The following ZNF438 variants were observed in gnomAD, a reference collection of about 807,000 sequenced individuals.
The protein encoded by ZNF438 is zinc finger protein 438.
A neutral mutation model predicts 38.0 loss-of-function variants in ZNF438; 25 were observed. The ratio of observed to expected loss-of-function variants is 0.66; its 90% CI spans 0.48 to 0.92. ZNF438 has a LOEUF of 0.92. ZNF438 is among the 40% of genes least tolerant of loss of function. The pLI is 0.00. For synonymous variants in ZNF438, 372 were observed against 364.1 expected (o/e 1.02, Z -0.25); for missense variants, 1,007 against 999.6 (o/e 1.01, Z -0.10).
chr10:30,928,816 G>A (rs1400126787), intron 2 of ZNF438, among the ~76,000 whole-genome samples: 3 of 152,136 alleles, frequency 2.0e-5, no homozygotes, highest in East Asian at 1.9e-4. Context: ...CTGTCCAGCT[G>A]GAGTGAGGTG....
intron 2 of ZNF438, among the ~76,000 whole-genome samples, chr10:30,928,272 T>C (rs1412976272): frequency 6.6e-6 from 1 of 152,218 alleles, no homozygotes; most frequent in Non-Finnish European, 1.5e-5. Context: ...ACATAGTCAA[T>C]AATAGTCATT....
At chr10:30,997,020 A>G (rs2054118862) in intron 1 of ZNF438, among the ~76,000 whole-genome samples, 1 of 152,148 alleles carries the variant, frequency 6.6e-6, no homozygotes, top group Non-Finnish European at 1.5e-5. Flanking sequence ...ACATACCAAA[A>G]TTTATTGGAT....
At chr10:30,854,202 C>T (rs1360380902) in intron 4 of ZNF438, among the ~76,000 whole-genome samples, 1 of 152,036 alleles carries the variant, frequency 6.6e-6, no homozygotes, top group Non-Finnish European at 1.5e-5. Flanking sequence ...CGCCTGTAGT[C>T]CCAGCTACTC....
At chr10:30,895,835 A>C (rs1179229213) in intron 3 of ZNF438, among the ~76,000 whole-genome samples, 3 of 152,250 alleles carry the variant, frequency 2.0e-5, no homozygotes, top group African/African-American at 7.2e-5. Flanking sequence ...TATTTAAAAA[A>C]CAAAACTGAG....
At chr10:30,900,063 G>A (rs1284760366) in intron 3 of ZNF438, among the ~76,000 whole-genome samples, 1 of 152,056 alleles carries the variant, frequency 6.6e-6, no homozygotes, top group Non-Finnish European at 1.5e-5. Context: ...TCAGTTTTGT[G>A]GACCCTACCA....
At chr10:30,947,349 A>G (rs2047535971) in intron 1 of ZNF438, among the ~76,000 whole-genome samples, 1 of 152,264 alleles carries the variant, frequency 6.6e-6, no homozygotes, top group Non-Finnish European at 1.5e-5. Context: ...TTTCTTACAC[A>G]GAATTAGAGA....
chr10:30,870,484 G>A (rs116534407), intron 4 of ZNF438, among the ~76,000 whole-genome samples: 207 of 151,036 alleles, frequency 1.4e-3, no homozygotes, highest in African/African-American at 4.8e-3. Flanking sequence ...GTTTACTTAC[G>A]GTCTCCAGCA....
At chr10:30,945,319 C>A (rs963755775) in intron 1 of ZNF438, among the ~76,000 whole-genome samples, 9 of 150,234 alleles carry the variant, frequency 6.0e-5, no homozygotes, top group Non-Finnish European at 1.2e-4. Flanking sequence ...ATTTTATTGG[C>A]TAGTAATATA....
chr10:30,976,325 A>G (rs974216828), intron 1 of ZNF438, among the ~76,000 whole-genome samples: 3 of 152,252 alleles, frequency 2.0e-5, no homozygotes, highest in Non-Finnish European at 4.4e-5. Flanking sequence ...TTCTACTTTT[A>G]GGAAACATAT....
intron 1 of ZNF438, among the ~76,000 whole-genome samples, chr10:30,947,373 C>A (rs747998912): frequency 2.0e-5 from 3 of 152,228 alleles, no homozygotes; most frequent in Non-Finnish European, 2.9e-5. Flanking sequence ...ATAACAGAAT[C>A]TAGTAAAGGG....
At chr10:30,846,799 G>T (rs1191229718) in intron 5 of ZNF438, among the ~76,000 whole-genome samples, 1 of 152,142 alleles carries the variant, frequency 6.6e-6, no homozygotes, top group Non-Finnish European at 1.5e-5. Context: ...GTCCAGGAAG[G>T]CCCCTTTCCC....
At chr10:30,948,884 C>A (rs962855024) in intron 1 of ZNF438, among the ~76,000 whole-genome samples, 1 of 151,634 alleles carries the variant, frequency 6.6e-6, no homozygotes, top group African/African-American at 2.4e-5. Context: ...CGTTCAGATT[C>A]AGGAAATACA....
chr10:30,903,034 C>T (rs567393474), intron 3 of ZNF438, among the ~76,000 whole-genome samples: 228 of 152,290 alleles, frequency 1.5e-3, no homozygotes, highest in African/African-American at 5.0e-3. Context: ...CAGCTGCTGG[C>T]CCAGGTCCTA....
chr10:30,887,930 G>C (rs1257250491), intron 3 of ZNF438, among the ~76,000 whole-genome samples: 1 of 152,140 alleles, frequency 6.6e-6, no homozygotes, highest in Admixed American at 6.5e-5. Flanking sequence ...ATATACATCA[G>C]ACAGTAACTA....
intron 4 of ZNF438, chr10:30,875,478 A>G: frequency 1.0e-6 from 1 of 985,126 alleles, no homozygotes; most frequent in Non-Finnish European, 1.2e-6. Flanking sequence ...TACTTGTTCC[A>G]TTATTTTTTC....
chr10:30,847,826 C>T (rs150887156), intron 5 of ZNF438, among the ~76,000 whole-genome samples: 200 of 152,360 alleles, frequency 1.3e-3, no homozygotes, highest in African/African-American at 4.5e-3. Context: ...CCTGCCTATG[C>T]GCAGTGGCCA....
intron 1 of ZNF438, among the ~76,000 whole-genome samples, chr10:30,997,772 GAC>G (rs1306059809): frequency 3.3e-5 from 5 of 152,066 alleles, no homozygotes; most frequent in African/African-American, 9.7e-5. Context: ...ACATAAGAGA[GAC>G]ACCTTCTTTT....
At chr10:31,021,814 A>G (rs894105503) in intron 1 of ZNF438, among the ~76,000 whole-genome samples, 1 of 152,216 alleles carries the variant, frequency 6.6e-6, no homozygotes, top group Non-Finnish European at 1.5e-5. Flanking sequence ...TTTGCAAAGG[A>G]GACTCAAAAA....
rs545603738 is a variant in ZNF438, at chr10:30,865,861, T to C, written c.37+11137A>G. ...CTTCCTGGCCGTAGTTTCCTCTCTT[T>C]AGCAAGAGGGGATTAGATTAGATTA... On this transcript the variant is annotated intron_variant, in intron 4 of 5. Coordinates refer to ENST00000413025, the Ensembl canonical transcript of ZNF438. Among the ~76,000 whole-genome samples the C allele has an allele frequency of 3.9e-5, 6 of 152,322 alleles. 1 individual carries two copies. The highest frequency in any genetic ancestry group is 1.2e-4 in the African/African-American group (5 of 41,566).
Sources: allele counts gnomAD v4.1 joint callset (sites outside exome capture counted in the v4.1 genomes callset), GRCh38; gene constraint gnomAD v4.1.1; transcripts MANE v1.5; gene names NCBI Gene and HGNC (gene_info 2026-07-23, HGNC 2026-07-21).